KCNQ3: variants seen among roughly 807,000 people sequenced by gnomAD.
KCNQ3 encodes the protein potassium voltage-gated channel subfamily Q member 3, also known as potassium voltage-gated channel subfamily KQT member 3.
A neutral mutation model predicts 92.5 loss-of-function variants in KCNQ3; 30 were observed. The observed-to-expected ratio is 0.32, with a 90% CI of 0.24 to 0.44. The LOEUF (loss-of-function observed/expected upper bound fraction) is 0.44, where lower values mean the gene tolerates loss of function less well. KCNQ3 is among the 20% of genes least tolerant of loss of function. KCNQ3 has a pLI of 1.00. For synonymous variants in KCNQ3, 450 were observed against 468.8 expected (o/e 0.96, Z 0.52); for missense variants, 913 against 1,140.3 (o/e 0.80, Z 2.87).
intron 1 of KCNQ3, among the ~76,000 whole-genome samples, chr8:132,324,331 C>A (rs937829875): frequency 3.3e-5 from 5 of 152,176 alleles, no homozygotes; most frequent in African/African-American, 1.2e-4. Flanking sequence ...ATTATTGAGA[C>A]CAGGGACCCT....
At chr8:132,263,106 G>C (rs528415747) in intron 1 of KCNQ3, among the ~76,000 whole-genome samples, 5 of 152,118 alleles carry the variant, frequency 3.3e-5, no homozygotes, top group African/African-American at 1.2e-4. Flanking sequence ...CCCACTGAGC[G>C]CAATTAAGCT....
chr8:132,240,471 C>T (rs943446732), intron 1 of KCNQ3, among the ~76,000 whole-genome samples: 2 of 152,218 alleles, frequency 1.3e-5, no homozygotes, highest in Admixed American at 1.3e-4. Context: ...CAGGCATGAG[C>T]CACCATGCCC....
chr8:132,170,255 G>C, intron 8 of KCNQ3, 79 bp downstream of exon 8: 1 of 1,024,230 alleles, frequency 9.8e-7, no homozygotes, highest in African/African-American at 1.6e-5. Flanking sequence ...CCAGGGACCC[G>C]TGAGGCCACA....
At chr8:132,169,289 A>G (rs2130103509) in intron 8 of KCNQ3, among the ~76,000 whole-genome samples, 1 of 152,260 alleles carries the variant, frequency 6.6e-6, no homozygotes, top group African/African-American at 2.4e-5. Flanking sequence ...ACTTTGCACA[A>G]TACCCCCATT....
At chr8:132,241,228 G>T (rs911117150) in intron 1 of KCNQ3, among the ~76,000 whole-genome samples, 1 of 152,064 alleles carries the variant, frequency 6.6e-6, no homozygotes, top group African/African-American at 2.4e-5. Flanking sequence ...TTTTACAGAT[G>T]AGAAAATAGC....
chr8:132,199,846 G>A (rs1033756094), intron 1 of KCNQ3, among the ~76,000 whole-genome samples: 17 of 151,416 alleles, frequency 1.1e-4, no homozygotes, highest in African/African-American at 4.1e-4. Context: ...GGAAGCTGAG[G>A]TTGGAGTGAG....
At chr8:132,396,964 GTA>G (rs990827043) in intron 1 of KCNQ3, among the ~76,000 whole-genome samples, 12 of 151,772 alleles carry the variant, frequency 7.9e-5, no homozygotes, top group African/African-American at 2.9e-4. Context: ...GTGTGTGTGT[GTA>G]TGTGTGTGTG....
intron 1 of KCNQ3, among the ~76,000 whole-genome samples, chr8:132,268,062 C>T (rs563718268): frequency 6.6e-6 from 1 of 152,132 alleles, no homozygotes; most frequent in African/African-American, 2.4e-5. Flanking sequence ...ATATATTGAT[C>T]TAAAAATCCT....
intron 1 of KCNQ3, among the ~76,000 whole-genome samples, chr8:132,326,385 G>A (rs1818052912): frequency 6.6e-6 from 1 of 152,162 alleles, no homozygotes; most frequent in Non-Finnish European, 1.5e-5. Context: ...AATCTTTTGA[G>A]TGTCCATTGT....
chr8:132,393,682 G>A (rs1036264114), intron 1 of KCNQ3, among the ~76,000 whole-genome samples: 13 of 152,148 alleles, frequency 8.5e-5, no homozygotes, highest in African/African-American at 2.2e-4. Context: ...TTTCAATCAT[G>A]TCATTTCATC....
chr8:132,464,976 A>C (rs1822138856), intron 1 of KCNQ3, among the ~76,000 whole-genome samples: 1 of 152,236 alleles, frequency 6.6e-6, no homozygotes, highest in African/African-American at 2.4e-5. Flanking sequence ...CTAAAGGATT[A>C]CATTTTTTCC....
intron 1 of KCNQ3, among the ~76,000 whole-genome samples, chr8:132,192,760 C>T (rs1387773128): frequency 6.6e-6 from 1 of 152,214 alleles, no homozygotes; most frequent in East Asian, 1.9e-4. Flanking sequence ...AGCGATTCTT[C>T]TGCCTCAGTC....
intron 1 of KCNQ3, among the ~76,000 whole-genome samples, chr8:132,202,799 A>G (rs1827502534): frequency 6.6e-6 from 1 of 152,140 alleles, no homozygotes; most frequent in Admixed American, 6.6e-5. Context: ...TTCTCTGGAT[A>G]CAGGCTTTTT....
chr8:132,352,471 T>C (rs1238985338), intron 1 of KCNQ3, among the ~76,000 whole-genome samples: 3 of 151,890 alleles, frequency 2.0e-5, no homozygotes, highest in Non-Finnish European at 4.4e-5. Flanking sequence ...CTCTGGCGAG[T>C]TCAGGAACAC....
chr8:132,288,307 T>C (rs1462458517), intron 1 of KCNQ3, among the ~76,000 whole-genome samples: 1 of 152,194 alleles, frequency 6.6e-6, no homozygotes, highest in Non-Finnish European at 1.5e-5. Context: ...TCATCAGCAT[T>C]CCCATGTTAC....
chr8:132,145,113 T>C (rs1325513851), intron 9 of KCNQ3, among the ~76,000 whole-genome samples: 2 of 152,202 alleles, frequency 1.3e-5, no homozygotes, highest in Non-Finnish European at 2.9e-5. Context: ...CCAGGGATGC[T>C]GTTAAACATC....
intron 1 of KCNQ3, among the ~76,000 whole-genome samples, chr8:132,465,256 T>C (rs1191843211): frequency 6.6e-6 from 1 of 152,202 alleles, no homozygotes; most frequent in Non-Finnish European, 1.5e-5. Context: ...CTAATGTTTC[T>C]CACATTATAA....
intron 4 of KCNQ3, among the ~76,000 whole-genome samples, chr8:132,179,054 G>T (rs1031688450): frequency 4.0e-5 from 6 of 148,916 alleles, no homozygotes; most frequent in African/African-American, 1.5e-4. Context: ...TACCCCCAAA[G>T]AACATCCATC....
At chr8:132,369,901 C>T (rs1189842408) in intron 1 of KCNQ3, among the ~76,000 whole-genome samples, 1 of 152,204 alleles carries the variant, frequency 6.6e-6, no homozygotes, top group Admixed American at 6.5e-5. Flanking sequence ...ACTATCCCCA[C>T]TCACAGTGAG....
Sources: allele counts gnomAD v4.1 joint callset (sites outside exome capture counted in the v4.1 genomes callset), GRCh38; gene constraint gnomAD v4.1.1; transcripts MANE v1.5; gene names NCBI Gene and HGNC (gene_info 2026-07-23, HGNC 2026-07-21).